The following CDK5RAP2 variants were observed in gnomAD, a reference collection of about 807,000 sequenced individuals.
CDK5RAP2 encodes CDK5 regulatory subunit-associated protein 2.
Under a neutral mutation model 232.9 loss-of-function variants are expected in CDK5RAP2, and 147 were observed. The ratio of observed to expected loss-of-function variants is 0.63; its 90% CI spans 0.55 to 0.72. The LOEUF (loss-of-function observed/expected upper bound fraction) is 0.72. Ranked by LOEUF, CDK5RAP2 falls within the 30% of genes least tolerant of loss-of-function variation. CDK5RAP2 has a pLI of 0.00. For synonymous variants in CDK5RAP2, 833 were observed against 833.7 expected, an observed-to-expected ratio of 1.00 and a Z score of 0.01; for missense variants, 2,195 against 2,231.5, an observed-to-expected ratio of 0.98 and a Z score of 0.33.
At chr9:120,480,904 C>T (rs776449847) in intron 14 of CDK5RAP2, among the ~76,000 whole-genome samples, 14 of 152,190 alleles carry the variant, frequency 9.2e-5, no homozygotes, top group Non-Finnish European at 1.5e-4. Context: ...ATGTCACTGG[C>T]ACAAGGAGTT....
intron 36 of CDK5RAP2, among the ~76,000 whole-genome samples, chr9:120,392,901 G>A (rs985105073): frequency 6.6e-6 from 1 of 152,218 alleles, no homozygotes; most frequent in Admixed American, 6.5e-5. Context: ...TCCAAGCTCA[G>A]CCATGGGATC....
At chr9:120,475,916 C>T (rs573891451) in intron 15 of CDK5RAP2, among the ~76,000 whole-genome samples, 139 of 152,266 alleles carry the variant, frequency 9.1e-4, no homozygotes, top group African/African-American at 3.3e-3. Flanking sequence ...GCACAGACGG[C>T]TACAGAAGGT....
intron 5 of CDK5RAP2, among the ~76,000 whole-genome samples, chr9:120,542,745 G>A (rs2041689201): frequency 6.6e-6 from 1 of 152,156 alleles, no homozygotes; most frequent in African/African-American, 2.4e-5. Flanking sequence ...TGAAATGAGG[G>A]TATTCCTCAA....
intron 25 of CDK5RAP2, among the ~76,000 whole-genome samples, chr9:120,427,438 A>G (rs947953164): frequency 2.0e-5 from 3 of 152,196 alleles, no homozygotes; most frequent in Non-Finnish European, 4.4e-5. Context: ...CCCATAGAGG[A>G]AATCTGGCCC....
In CDK5RAP2 at chr9:120,475,823, T is replaced by G. The variant is rs2037976267; in HGVS notation, c.1727+1527A>C. Among the ~76,000 whole-genome samples the G allele has an allele frequency of 2.0e-5, 3 of 152,314 alleles. No individual in the cohort carries two copies. The South Asian group carries it at 6.2e-4, about 32-fold the overall frequency. The stretch of plus-strand genomic sequence containing the variant: ...CAGAACATTTCCCAAATGCCTACTC[T>G]GTACCAGGCCCTGGGGAGCAGAGAC... On this transcript the variant is annotated intron_variant, in intron 15 of 37. Transcript: ENST00000349780.
chr9:120,393,507 C>T (rs1355272170), intron 36 of CDK5RAP2, among the ~76,000 whole-genome samples: 2 of 152,200 alleles, frequency 1.3e-5, no homozygotes, highest in Admixed American at 6.5e-5. Flanking sequence ...ACAGGAGAGC[C>T]GCACAAGGCA....
chr9:120,418,130 G>A (rs2034346850), intron 27 of CDK5RAP2, among the ~76,000 whole-genome samples: 1 of 152,174 alleles, frequency 6.6e-6, no homozygotes, highest in South Asian at 2.1e-4. Flanking sequence ...ACTAGATGCA[G>A]AGAGCAAAAG....
At chr9:120,453,208 C>G (rs1232158388) in intron 21 of CDK5RAP2, among the ~76,000 whole-genome samples, 1 of 151,752 alleles carries the variant, frequency 6.6e-6, no homozygotes, top group Non-Finnish European at 1.5e-5. Flanking sequence ...ATAAATGTCA[C>G]AATATATAGA....
chr9:120,485,584 C>T (rs969821648), intron 14 of CDK5RAP2, among the ~76,000 whole-genome samples: 2 of 152,202 alleles, frequency 1.3e-5, no homozygotes, highest in African/African-American at 4.8e-5. Context: ...ATACTTTTTA[C>T]ATGACTAAAA....
intron 35 of CDK5RAP2, 93 bp downstream of exon 35, chr9:120,400,649 A>G: frequency 6.8e-7 from 1 of 1,479,844 alleles, no homozygotes; most frequent in South Asian, 1.2e-5. Context: ...AATGGTGGGC[A>G]CATCTGCTGT....
rs370917959 is a variant in CDK5RAP2 at position 120,468,408 on chromosome 9, G to A, written c.1969-411C>T. Among the ~76,000 whole-genome samples the A allele has an allele frequency of 3.3e-4, 50 of 152,328 alleles. 1 individual carries two copies. Among genetic ancestry groups the A allele is most frequent in the East Asian group, 3.1e-3 (16 of 5,186 alleles). ...CTCTGGAGGAAAAGTCTCCCAAGGC[G>A]AAAGTTTCTGAAACTGTATCAGAGT... On this transcript the variant is annotated intron_variant, in intron 17 of 37. Coordinates refer to ENST00000349780, the MANE Select transcript of CDK5RAP2 (RefSeq NM_018249.6).
chr9:120,406,012 T>C (rs187608993), intron 32 of CDK5RAP2: 2 of 152,350 alleles, frequency 1.3e-5, no homozygotes, highest in African/African-American at 4.8e-5. Flanking sequence ...TCATGAACTT[T>C]TTTTCTCTGT....
chr9:120,568,418 C>G, intron 2 of CDK5RAP2, 30 bp from the exon 3 acceptor site: 1 of 1,511,190 alleles, frequency 6.6e-7, no homozygotes, highest in African/African-American at 1.4e-5. Flanking sequence ...AGGAAAACGT[C>G]ACAGCATGCA....
At chr9:120,518,195 GTGTGTGTGTGTGTGT>G (rs2040430844) in intron 12 of CDK5RAP2, among the ~76,000 whole-genome samples, 1 of 103,028 alleles carries the variant, frequency 9.7e-6, no homozygotes, top group Non-Finnish European at 2.0e-5. Flanking sequence ...GTGTGTGTGT[GTGTGTGTGTGTGTGT>G]GAGAGAGAGA....
chr9:120,420,786 A>G (rs540613865), intron 26 of CDK5RAP2, among the ~76,000 whole-genome samples: 3 of 152,350 alleles, frequency 2.0e-5, no homozygotes, highest in African/African-American at 7.2e-5. Context: ...ACCTGATGCA[A>G]CTTTGCCCAG....
rs1395937558 is a variant in CDK5RAP2, at chr9:120,520,808, G to GCTGTATCTC, written c.1093-2164_1093-2163insGAGATACAG. On this transcript the variant is annotated intron_variant, in intron 11 of 37. Coordinates refer to ENST00000349780, the MANE Select transcript of CDK5RAP2 (RefSeq NM_018249.6). The stretch of plus-strand genomic sequence containing the variant: ...GAGATATATCTCATATATCTCATGA[G>GCTGTATCTC]ATATATCTCATATATATCTCATATG... 7.8e-5 allele frequency among the ~76,000 whole-genome samples: 5 copies of GCTGTATCTC among 64,394 alleles called. 2 individuals are homozygous for GCTGTATCTC. The highest frequency in any genetic ancestry group is 7.3e-5 in the Non-Finnish European group (2 of 27,556). The allele number at this position is 64,394 out of a possible 152,430, so 42.2% of individuals were successfully genotyped here.
chr9:120,440,079 G>T, intron 23 of CDK5RAP2, 107 bp from the exon 24 acceptor site: 2 of 945,868 alleles, frequency 2.1e-6, no homozygotes, highest in Non-Finnish European at 3.3e-6. Context: ...GACCTAACAA[G>T]CCTCCCTCAA....
Position 120,394,423 on chromosome 9 carries a change from G to A in CDK5RAP2, c.5578+89C>T, listed in dbSNP as rs1288541025. ...AGGAGGCATGATTACAAACCATCTG[G>A]GCTCCAAAGTGGGTAATCCAGGGCA... On this transcript the variant is annotated intron_variant, in intron 36 of 37. Transcript: ENST00000349780. The A allele has an allele frequency of 1.3e-5, 21 of 1,603,236 alleles. No homozygotes were observed. In the East Asian group the frequency reaches 4.7e-4, roughly 36 times the overall value.
intron 7 of CDK5RAP2, among the ~76,000 whole-genome samples, chr9:120,534,967 G>C (rs2041319113): frequency 6.6e-6 from 1 of 152,202 alleles, no homozygotes; most frequent in Non-Finnish European, 1.5e-5. Flanking sequence ...GCCTGGAAAG[G>C]CCAGTACTCT....
Sources: gnomAD v4.1 joint callset for allele counts (sites outside exome capture counted in the v4.1 genomes callset) on GRCh38, gnomAD v4.1.1 for gene constraint, MANE v1.5 for transcripts, NCBI Gene and HGNC (gene_info 2026-07-23, HGNC 2026-07-21) for gene names.